Variants in PCDH10 observed in about 807,000 individuals in gnomAD.
PCDH10 encodes the protein protocadherin-10.
In PCDH10, 15 loss-of-function variants were observed where a neutral mutation model predicts 74.4. The observed-to-expected ratio is 0.20, with a 90% CI of 0.13 to 0.31. The LOEUF (loss-of-function observed/expected upper bound fraction) is 0.31, where lower values mean the gene tolerates loss of function less well. PCDH10 is among the 10% of genes least tolerant of loss of function. The pLI is 1.00. For missense variants in PCDH10, 1,260 were observed against 1,390.2 expected, an observed-to-expected ratio of 0.91 and a Z score of 1.49; for synonymous variants, 619 against 589.8, an observed-to-expected ratio of 1.05 and a Z score of -0.72.
intron 3 of PCDH10, among the ~76,000 whole-genome samples, chr4:133,161,449 A>C (rs1445792867): frequency 2.6e-5 from 4 of 152,000 alleles, no homozygotes; most frequent in African/African-American, 9.7e-5. Context: ...AATTTTGAAA[A>C]ATTATTTTAT....
Position 133,190,549 on chromosome 4 carries a change from C to T in PCDH10, c.*389C>T, listed in dbSNP as rs1727640742. 1 of 177,422 alleles carries T rather than the reference C, an allele frequency of 5.6e-6. No individual in the cohort carries two copies. The highest frequency in any genetic ancestry group is 1.2e-5 in the Non-Finnish European group (1 of 84,630). The allele number at this position is 177,422 out of a possible 1,614,324, so 11.0% of individuals were successfully genotyped here. A position where few individuals can be genotyped will look rare whatever the true frequency, so the allele number is the denominator to read the frequency against. On this transcript the variant is annotated 3_prime_UTR_variant, in exon 5 of 5. Coordinates refer to ENST00000264360, the MANE Select transcript of PCDH10 (RefSeq NM_032961.3). ...TGCAATATCACTGTTTTAAACTTGA[C>T]TGTTTTATATTATTTTTGTGTGATC... is the stretch of plus-strand genomic sequence containing the variant.
At chr4:133,154,837 G>T in intron 2 of PCDH10, 80 bp from the exon 3 acceptor site, 1 of 992,764 alleles carries the variant, frequency 1.0e-6, no homozygotes, top group Non-Finnish European at 1.6e-6. Context: ...AGCACCATCT[G>T]TGACCATGTG....
At chr4:133,168,199 T>C (rs1727126049) in intron 4 of PCDH10, among the ~76,000 whole-genome samples, 1 of 151,346 alleles carries the variant, frequency 6.6e-6, no homozygotes, top group Non-Finnish European at 1.5e-5. Context: ...CTATCTCAGC[T>C]AGTAGAATTT....
chr4:133,151,955 C>A lies in PCDH10; in HGVS notation c.1815C>A (p.Ala605=). The A allele has an allele frequency of 1.2e-6, 2 of 1,612,434 alleles. No homozygotes were observed. The highest frequency in any genetic ancestry group is 1.7e-6 in the Non-Finnish European group (2 of 1,179,714). Residue 605 remains alanine (A), a synonymous_variant, in exon 1 of 5, where the codon GCC becomes GCA. Coordinates refer to ENST00000264360, the MANE Select transcript of PCDH10 (RefSeq NM_032961.3). ...GTTACCTGCTCACCCGCGTGGCCGC[C>A]GTGGACGCGGACGACGGCGAGAACG... The part of the protein sequence containing the change: ...EPGYLLTRVA[A]VDADDGENAR...
In PCDH10 at chr4:133,190,329, C is replaced by A; in HGVS notation, c.*169C>A. ...AATTATAGGACCTAATTGCTCTCAGCAGGCCTGAGAAATGAGTTGAAATGT... is the reference window on the plus strand; with the variant it reads ...AATTATAGGACCTAATTGCTCTCAGAAGGCCTGAGAAATGAGTTGAAATGT... On this transcript the variant is annotated 3_prime_UTR_variant, in exon 5 of 5. Transcript: ENST00000264360. The A allele has an allele frequency of 1.5e-6, 1 of 652,554 alleles. No homozygotes were observed. The highest frequency in any genetic ancestry group is 2.8e-6 in the Non-Finnish European group (1 of 359,930). 40.4% of individuals were successfully genotyped at this position (652,554 alleles called of 1,614,324 possible).
At chr4:133,198,074 A>G (rs1222662269), downstream of PCDH10, among the ~76,000 whole-genome samples, 1 of 151,884 alleles carries the variant, frequency 6.6e-6, no homozygotes, top group Non-Finnish European at 1.5e-5. Flanking sequence ...ATTATAGGTA[A>G]AACATCTGCA....
Position 133,151,293 on chromosome 4 carries a change from C to T in PCDH10, c.1153C>T (p.Arg385Cys). ...GGTGGCCCTTTTCAGCGTGACTGAC[C>T]GCGACTCAGAGGAGAATGGGCAGGT... is the stretch of plus-strand genomic sequence containing the variant. ...TVVALFSVTDRDSEENGQVQC... is the reference protein window; with the variant it reads ...TVVALFSVTDCDSEENGQVQC... The change falls in exon 1 of 5, where the codon CGC (arginine) becomes TGC (cysteine). Residue 385 changes from arginine to cysteine, a missense_variant. Around this residue, in one of 11 missense-constraint regions of PCDH10, gnomAD observed 112 missense variants for 123.6 expected, o/e 0.91. Transcript: ENST00000264360. 6.2e-7 allele frequency: 1 copy of T among 1,614,132 alleles called. No individual in the cohort carries two copies. The highest frequency in any genetic ancestry group is 2.2e-5 in the East Asian group (1 of 44,858).
At chr4:133,188,708 T>C (rs796836103) in intron 4 of PCDH10, among the ~76,000 whole-genome samples, 4 of 142,796 alleles carry the variant, frequency 2.8e-5, no homozygotes, top group African/African-American at 1.0e-4. Flanking sequence ...AGTTTCGCTC[T>C]TGTCTCACAG....
chr4:133,196,421 A>G (rs1211263409), downstream of PCDH10, among the ~76,000 whole-genome samples: 1 of 152,122 alleles, frequency 6.6e-6, no homozygotes, highest in African/African-American at 2.4e-5. Context: ...GACTGGATGC[A>G]CCGGTTTATC....
At chr4:133,157,355 T>C (rs1349182419) in intron 3 of PCDH10, among the ~76,000 whole-genome samples, 1 of 152,228 alleles carries the variant, frequency 6.6e-6, no homozygotes, top group Non-Finnish European at 1.5e-5. Context: ...CATACTGCTG[T>C]TATGTACTAT....
Position 133,151,482 on chromosome 4 carries a change from T to A in PCDH10, c.1342T>A (p.Ser448Thr). ...RGEPALSTSK[S>T]IQVQVSDVND... ...CGAGCCTGCGCTCTCCACCAGTAAG[T>A]CGATCCAGGTACAAGTGTCGGATGT... The change falls in exon 1 of 5, where the codon TCG becomes ACG. Residue 448 changes from serine to threonine, a missense_variant. Physicochemically the swap from Ser to Thr is moderately conservative, Grantham distance 58. Transcript: ENST00000264360. 1 of 1,613,788 alleles carries A rather than the reference T, an allele frequency of 6.2e-7. No homozygotes were observed. Among genetic ancestry groups the A allele is most frequent in the Non-Finnish European group, 8.5e-7 (1 of 1,179,980 alleles).
At chr4:133,196,843 T>G (rs963565347), downstream of PCDH10, among the ~76,000 whole-genome samples, 1 of 152,226 alleles carries the variant, frequency 6.6e-6, no homozygotes, top group African/African-American at 2.4e-5. Context: ...CAATGGCAGT[T>G]TCACAATGCA....
downstream of PCDH10, among the ~76,000 whole-genome samples, chr4:133,198,458 T>G (rs888697530): frequency 6.6e-6 from 1 of 152,300 alleles, no homozygotes; most frequent in South Asian, 2.1e-4. Context: ...TAAGCAACAT[T>G]AAGAGGTATA....
chr4:133,199,035 A>G (rs1331819391), downstream of PCDH10, among the ~76,000 whole-genome samples: 58 of 152,228 alleles, frequency 3.8e-4, no homozygotes, highest in Non-Finnish European at 4.4e-5. Flanking sequence ...TAATCCCAGC[A>G]CTTTAGGAGG....
intron 4 of PCDH10, among the ~76,000 whole-genome samples, chr4:133,169,408 T>C (rs200786543): frequency 0.015 from 2,225 of 151,978 alleles, 29 homozygotes; most frequent in Non-Finnish European, 0.022. Context: ...TTCAATACTT[T>C]ATAGTTCTTT....
In PCDH10 at chr4:133,150,945, G is replaced by C. The variant is rs1726663356; in HGVS notation, c.805G>C (p.Val269Leu). The C allele has an allele frequency of 1.2e-6, 2 of 1,613,826 alleles. No homozygotes were observed. The highest frequency in any genetic ancestry group is 8.5e-7 in the Non-Finnish European group (1 of 1,180,050). Residue 269 changes from valine (V) to leucine (L), a missense_variant, in exon 1 of 5, where the codon GTG becomes CTG. Around this residue, in one of 11 missense-constraint regions of PCDH10, gnomAD observed 192 missense variants for 161.2 expected, o/e 1.19. Coordinates refer to ENST00000264360, the MANE Select transcript of PCDH10 (RefSeq NM_032961.3). ...AGAGAACTCTCCCCCAGGCACTCTC[G>C]TGATCCAGCTCAACGCCACCGACCC... ...LPENSPPGTLVIQLNATDPDE... is the reference protein window; with the variant it reads ...LPENSPPGTLLIQLNATDPDE...
chr4:133,186,776 G>A (rs1329949663), intron 4 of PCDH10, among the ~76,000 whole-genome samples: 1 of 152,046 alleles, frequency 6.6e-6, no homozygotes, highest in African/African-American at 2.4e-5. Context: ...GGAGTGCAGT[G>A]GCAAGATCTC....
At position 133,151,075 on chromosome 4, in the gene PCDH10, T is replaced by C; in HGVS notation, c.935T>C (p.Val312Ala). The change falls in exon 1 of 5, where the codon GTA (valine) becomes GCA (alanine). Residue 312 changes from valine to alanine, a missense_variant. This residue lies in a region of PCDH10 where 192 missense variants were observed against 161.2 expected (regional missense o/e 1.19). Coordinates refer to ENST00000264360, the MANE Select transcript of PCDH10 (RefSeq NM_032961.3). ...TCGCCGCGCACTGGCAGACTGGAGG[T>C]AAGCGGCGAGTTGGACTATGAAGAG... ...GLSPRTGRLE[V>A]SGELDYEESP... The C allele has an allele frequency of 6.2e-7, 1 of 1,613,954 alleles. No individual in the cohort carries two copies. The highest frequency in any genetic ancestry group is 1.6e-4 in the Middle Eastern group (1 of 6,062).
At chr4:133,155,045 T>C (rs1282569750) in intron 3 of PCDH10, 22 bp downstream of exon 3, 2 of 1,429,746 alleles carry the variant, frequency 1.4e-6, no homozygotes, top group Admixed American at 1.7e-5. Context: ...CAAAGGGCAA[T>C]CTAAATGCTA....
Sources: allele counts gnomAD v4.1 joint callset (sites outside exome capture counted in the v4.1 genomes callset), GRCh38; gene constraint gnomAD v4.1.1; regional missense constraint gnomAD v4.1.1; transcripts MANE v1.5; gene names NCBI Gene and HGNC (gene_info 2026-07-23, HGNC 2026-07-21).